Variants in PCDH15 observed in about 807,000 individuals in gnomAD.
PCDH15 encodes protocadherin-15.
Under a neutral mutation model 178.5 loss-of-function variants are expected in PCDH15, and 129 were observed. The observed-to-expected ratio is 0.72, with a 90% CI of 0.63 to 0.84. PCDH15 has a LOEUF of 0.84. Among genes scored for constraint, PCDH15 ranks in the 40% least tolerant of loss-of-function variants. PCDH15 has a pLI of 0.00. For missense variants in PCDH15, 2,230 were observed against 2,099.9 expected, an observed-to-expected ratio of 1.06 and a Z score of -1.21; for synonymous variants, 800 against 732.0, an observed-to-expected ratio of 1.09 and a Z score of -1.50.
intron 1 of PCDH15, among the ~76,000 whole-genome samples, chr10:55,310,759 C>T (rs539937495): frequency 4.6e-5 from 7 of 152,258 alleles, no homozygotes; most frequent in Admixed American, 1.3e-4. Context: ...TCATCCACAG[C>T]AAACTAACAC....
chr10:55,593,945 TATTA>T (rs1842893590), intron 2 of PCDH15, among the ~76,000 whole-genome samples: 1 of 151,888 alleles, frequency 6.6e-6, no homozygotes, highest in African/African-American at 2.4e-5. Context: ...ATGTATTTAG[TATTA>T]ATTGAAGGAA....
intron 2 of PCDH15, among the ~76,000 whole-genome samples, chr10:54,580,275 C>A (rs935679383): frequency 6.6e-6 from 1 of 151,858 alleles, no homozygotes; most frequent in South Asian, 2.1e-4. Context: ...CATTCAGAAA[C>A]AAGGATGACA....
chr10:53,929,787 A>AT (rs1170292769), intron 25 of PCDH15, among the ~76,000 whole-genome samples: 4 of 152,208 alleles, frequency 2.6e-5, no homozygotes, highest in Non-Finnish European at 4.4e-5. Flanking sequence ...TTCCTGATTG[A>AT]AAGTCTAGTT....
In PCDH15 at chr10:55,222,730, CATATATATATATATATATATAT is replaced by C. The variant is rs142618720; in HGVS notation, c.-155-56101_-155-56080del. On this transcript the variant is annotated intron_variant, in intron 1 of 5. Coordinates refer to the PCDH15 transcript ENST00000458638. Reference sequence around the variant, plus strand: ...CTTTATACACACACACACACACACACATATATATATATATATATATATATATATATATATATATGTAGTTCCT... The same window carrying C: ...CTTTATACACACACACACACACACACATATATATATATATATGTAGTTCCT... Among the ~76,000 whole-genome samples, 204 of 121,272 alleles carry C rather than the reference CATATATATATATATATATATAT, an allele frequency of 1.7e-3. 5 individuals are homozygous for C. The highest frequency in any genetic ancestry group is 8.3e-3 in the Middle Eastern group (2 of 242). The allele number at this position is 121,272 out of a possible 152,430, so 79.6% of individuals were successfully genotyped here. A position where few individuals can be genotyped will look rare whatever the true frequency, so the allele number is the denominator to read the frequency against.
intron 8 of PCDH15, among the ~76,000 whole-genome samples, chr10:54,271,898 C>T (rs929974132): frequency 1.3e-5 from 2 of 150,022 alleles, no homozygotes; most frequent in African/African-American, 2.5e-5. Flanking sequence ...GGTAAGTGCC[C>T]ACCACATCAT....
intron 8 of PCDH15, among the ~76,000 whole-genome samples, chr10:54,260,479 A>G (rs1214442148): frequency 2.1e-5 from 3 of 143,208 alleles, no homozygotes; most frequent in Non-Finnish European, 4.6e-5. Context: ...CAATATTTAA[A>G]GTAACTATTT....
chr10:53,879,043 T>G (rs1008864014), intron 26 of PCDH15, among the ~76,000 whole-genome samples: 2 of 152,168 alleles, frequency 1.3e-5, no homozygotes, highest in African/African-American at 4.8e-5. Context: ...ACTATTGCAT[T>G]TACTACTGAG....
chr10:55,334,242 A>ATATATATATATGTGTG (rs1291195941), intron 2 of PCDH15, among the ~76,000 whole-genome samples: 5 of 72,140 alleles, frequency 6.9e-5, no homozygotes, highest in African/African-American at 2.9e-4. Flanking sequence ...ATATATATAT[A>ATATATATATATGTGTG]TGTGTGTGTG....
intron 2 of PCDH15, among the ~76,000 whole-genome samples, chr10:54,907,643 A>G (rs1436904218): frequency 3.3e-5 from 5 of 152,250 alleles, no homozygotes; most frequent in Middle Eastern, 3.4e-3. Flanking sequence ...ATGTTCTCCA[A>G]AAAAATATGA....
intron 7 of PCDH15, among the ~76,000 whole-genome samples, chr10:54,317,874 G>A (rs191465672): frequency 6.6e-6 from 1 of 152,062 alleles, no homozygotes; most frequent in South Asian, 2.1e-4. Context: ...AGTTTTAAGT[G>A]GTTGAGTCAG....
chr10:54,619,592 G>A (rs1286650199), intron 2 of PCDH15, among the ~76,000 whole-genome samples: 2 of 151,978 alleles, frequency 1.3e-5, no homozygotes, highest in East Asian at 3.9e-4. Context: ...GAGATGTTAA[G>A]CAGAGGGATT....
chr10:55,298,413 T>C, intron 1 of PCDH15, among the ~76,000 whole-genome samples: 1 of 152,172 alleles, frequency 6.6e-6, no homozygotes, highest in South Asian at 2.1e-4. Flanking sequence ...AAGTCCTAGA[T>C]TAAATAGGAT....
intron 2 of PCDH15, among the ~76,000 whole-genome samples, chr10:55,489,667 A>T (rs1245308532): frequency 6.6e-6 from 1 of 151,714 alleles, no homozygotes; most frequent in Non-Finnish European, 1.5e-5. Context: ...CCTAAAGCTC[A>T]TATTTAAACA....
intron 2 of PCDH15, among the ~76,000 whole-genome samples, chr10:55,474,024 C>T (rs1354525981): frequency 6.6e-6 from 1 of 152,058 alleles, no homozygotes; most frequent in Non-Finnish European, 1.5e-5. Context: ...ATATGTAACC[C>T]AGCCTACTTG....
chr10:54,295,461 A>G (rs1371318350), intron 8 of PCDH15, among the ~76,000 whole-genome samples: 1 of 152,188 alleles, frequency 6.6e-6, no homozygotes, highest in African/African-American at 2.4e-5. Context: ...GCTCTTTGCA[A>G]TAAATCTTGC....
chr10:54,267,177 AAAT>A (rs1414098109), intron 8 of PCDH15, among the ~76,000 whole-genome samples: 1 of 135,684 alleles, frequency 7.4e-6, no homozygotes, highest in East Asian at 1.9e-4. Context: ...AAAATGAAAA[AAAT>A]AAGATTATCT....
At chr10:54,441,062 C>G (rs1336438394) in intron 3 of PCDH15, among the ~76,000 whole-genome samples, 1 of 151,766 alleles carries the variant, frequency 6.6e-6, no homozygotes, top group African/African-American at 2.4e-5. Flanking sequence ...TTTAAAATAT[C>G]AATTAATCAT....
chr10:53,955,151 T>A (rs370650102), intron 23 of PCDH15, among the ~76,000 whole-genome samples: 18 of 152,280 alleles, frequency 1.2e-4, no homozygotes, highest in African/African-American at 3.6e-4. Flanking sequence ...AATGTGCAAT[T>A]CTCACCTCAC....
At chr10:54,436,339 T>C (rs1413147905) in intron 3 of PCDH15, among the ~76,000 whole-genome samples, 1 of 151,874 alleles carries the variant, frequency 6.6e-6, no homozygotes, top group Non-Finnish European at 1.5e-5. Context: ...TTAGATATTA[T>C]AACAAAAGAT....
Sources: gnomAD v4.1 joint callset for allele counts (sites outside exome capture counted in the v4.1 genomes callset) on GRCh38, gnomAD v4.1.1 for gene constraint, MANE v1.5 for transcripts, NCBI Gene and HGNC (gene_info 2026-07-23, HGNC 2026-07-21) for gene names.